LHFPL6: variants seen among roughly 807,000 people sequenced by gnomAD.
LHFPL6 encodes the protein LHFPL tetraspan subfamily member 6 protein.
In LHFPL6, 9 loss-of-function variants were observed where a neutral mutation model predicts 20.6. The ratio of observed to expected loss-of-function variants is 0.44; its 90% CI spans 0.26 to 0.76. LHFPL6 has a LOEUF of 0.76. Among genes scored for constraint, LHFPL6 ranks in the 30% least tolerant of loss-of-function variants. LHFPL6 has a pLI of 0.20. For missense variants in LHFPL6, 218 were observed against 253.5 expected (o/e 0.86, Z 0.95); for synonymous variants, 105 against 98.7 (o/e 1.06, Z -0.38).
chr13:39,368,128 G>A (rs1187834229), intron 3 of LHFPL6, among the ~76,000 whole-genome samples: 2 of 151,848 alleles, frequency 1.3e-5, no homozygotes, highest in South Asian at 2.1e-4. Flanking sequence ...CCAGGAGTTC[G>A]AGACCAGCCT....
chr13:39,496,775 C>T (rs1451725775), intron 2 of LHFPL6, among the ~76,000 whole-genome samples: 1 of 152,190 alleles, frequency 6.6e-6, no homozygotes, highest in Non-Finnish European at 1.5e-5. Context: ...GCTCTACTGG[C>T]CACCACAGGG....
Position 39,457,712 on chromosome 13 carries a change from T to C in LHFPL6, c.386-79186A>G, listed in dbSNP as rs141680679. 3.9e-3 allele frequency among the ~76,000 whole-genome samples: 589 copies of C among 152,230 alleles called. 1 individual carries two copies. The highest frequency in any genetic ancestry group is 0.013 in the African/African-American group (550 of 41,456). On this transcript the variant is annotated intron_variant, in intron 2 of 3. Transcript: ENST00000379589. ...TGGTGACTTTTTAAGATGAGGAAAC[T>C]GTTGTATATCTTGATAGTGGTAGTG...
intron 2 of LHFPL6, among the ~76,000 whole-genome samples, chr13:39,451,852 A>T (rs1872452035): frequency 6.6e-6 from 1 of 152,198 alleles, no homozygotes; most frequent in South Asian, 2.1e-4. Flanking sequence ...ATTCCTGTTA[A>T]ATATTGTGAG....
chr13:39,363,035 G>A (rs985140075), intron 3 of LHFPL6, among the ~76,000 whole-genome samples: 2 of 152,148 alleles, frequency 1.3e-5, no homozygotes, highest in Non-Finnish European at 2.9e-5. Context: ...TATTCGATGT[G>A]GGAAACAATA....
chr13:39,589,746 G>A (rs2138547306), intron 2 of LHFPL6, among the ~76,000 whole-genome samples: 1 of 152,172 alleles, frequency 6.6e-6, no homozygotes, highest in African/African-American at 2.4e-5. Flanking sequence ...CCAACAATGG[G>A]TGTCTACACT....
At chr13:39,538,244 C>T (rs1282601621) in intron 2 of LHFPL6, among the ~76,000 whole-genome samples, 1 of 151,748 alleles carries the variant, frequency 6.6e-6, no homozygotes, top group Non-Finnish European at 1.5e-5. Flanking sequence ...CCCACCTTGG[C>T]ATCCCAAAGT....
intron 2 of LHFPL6, among the ~76,000 whole-genome samples, chr13:39,505,900 G>A (rs1431916290): frequency 1.3e-5 from 2 of 152,162 alleles, no homozygotes; most frequent in Non-Finnish European, 2.9e-5. Flanking sequence ...AAACAAGGAT[G>A]CATTATCTTA....
At chr13:39,380,970 T>A (rs1165590958) in intron 2 of LHFPL6, among the ~76,000 whole-genome samples, 1 of 152,126 alleles carries the variant, frequency 6.6e-6, no homozygotes, top group South Asian at 2.1e-4. Flanking sequence ...TGATTCTACA[T>A]TATGGTGAGT....
chr13:39,432,847 T>C (rs1871852827), intron 2 of LHFPL6, among the ~76,000 whole-genome samples: 1 of 152,202 alleles, frequency 6.6e-6, no homozygotes, highest in African/African-American at 2.4e-5. Flanking sequence ...GGTCATTGAA[T>C]CAATTAATCA....
chr13:39,504,726 T>G (rs1222711952), intron 2 of LHFPL6, among the ~76,000 whole-genome samples: 1 of 152,240 alleles, frequency 6.6e-6, no homozygotes, highest in Non-Finnish European at 1.5e-5. Flanking sequence ...GCAAATACAG[T>G]CACATTCTGA....
chr13:39,538,626 T>G (rs1021792135), intron 2 of LHFPL6, among the ~76,000 whole-genome samples: 1 of 151,712 alleles, frequency 6.6e-6, no homozygotes, highest in East Asian at 1.9e-4. Flanking sequence ...AGACACCAAA[T>G]GCAAGGAATA....
At chr13:39,455,720 A>C (rs898119168) in intron 2 of LHFPL6, among the ~76,000 whole-genome samples, 1 of 152,186 alleles carries the variant, frequency 6.6e-6, no homozygotes, top group Non-Finnish European at 1.5e-5. Flanking sequence ...AGATGCTGCG[A>C]AGCGATTACT....
intron 2 of LHFPL6, among the ~76,000 whole-genome samples, chr13:39,488,865 A>G (rs1868814369): frequency 7.1e-6 from 1 of 141,528 alleles, no homozygotes; most frequent in Admixed American, 6.8e-5. Flanking sequence ...ATCAATAACC[A>G]CCTCTTGGAT....
At chr13:39,577,823 T>A (rs1438543537) in intron 2 of LHFPL6, among the ~76,000 whole-genome samples, 1 of 151,830 alleles carries the variant, frequency 6.6e-6, no homozygotes, top group Non-Finnish European at 1.5e-5. Context: ...TTTTTTTTAG[T>A]AGAGACGGAG....
intron 2 of LHFPL6, among the ~76,000 whole-genome samples, chr13:39,387,421 C>G (rs553886804): frequency 6.6e-6 from 1 of 151,764 alleles, no homozygotes; most frequent in African/African-American, 2.4e-5. Flanking sequence ...GTGGTGCACA[C>G]CTGTAATCTC....
intron 2 of LHFPL6, among the ~76,000 whole-genome samples, chr13:39,472,910 C>G (rs1016135827): frequency 2.6e-5 from 4 of 152,184 alleles, no homozygotes; most frequent in African/African-American, 9.7e-5. Flanking sequence ...CGTGCCCGGC[C>G]CCCTTCTTTA....
chr13:39,565,172 A>G (rs188821613), intron 2 of LHFPL6, among the ~76,000 whole-genome samples: 87 of 149,140 alleles, frequency 5.8e-4, no homozygotes, highest in African/African-American at 2.0e-3. Flanking sequence ...TCTTATATCC[A>G]GGAGGACAAT....
At chr13:39,591,254 A>G (rs1047343233) in intron 2 of LHFPL6, among the ~76,000 whole-genome samples, 1 of 152,250 alleles carries the variant, frequency 6.6e-6, no homozygotes, top group Non-Finnish European at 1.5e-5. Flanking sequence ...TAGCAGCAAC[A>G]TCACATTGTT....
chr13:39,445,919 G>T (rs1042732653), intron 2 of LHFPL6, among the ~76,000 whole-genome samples: 5 of 151,934 alleles, frequency 3.3e-5, no homozygotes, highest in Non-Finnish European at 7.4e-5. Context: ...ATAACAGATG[G>T]GTCTTCATAA....
Sources: gnomAD v4.1 joint callset for allele counts (sites outside exome capture counted in the v4.1 genomes callset) on GRCh38, gnomAD v4.1.1 for gene constraint, MANE v1.5 for transcripts, NCBI Gene and HGNC (gene_info 2026-07-23, HGNC 2026-07-21) for gene names.